GREM2: variants seen among roughly 807,000 people sequenced by gnomAD.
GREM2 encodes the protein gremlin 2, DAN family BMP antagonist, also known as gremlin-2.
In GREM2, 11 loss-of-function variants were observed where a neutral mutation model predicts 14.2. The ratio of observed to expected loss-of-function variants is 0.78; its 90% CI spans 0.49 to 1.28. The LOEUF (loss-of-function observed/expected upper bound fraction) is 1.28. Ranked by LOEUF, GREM2 falls within the 50% of genes most tolerant of loss-of-function variation. The pLI is 0.00. For synonymous variants in GREM2, 98 were observed against 97.6 expected, an observed-to-expected ratio of 1.00 and a Z score of -0.02; for missense variants, 210 against 218.5, an observed-to-expected ratio of 0.96 and a Z score of 0.24.
chr1:240,546,396 C>T (rs1678719148), intron 1 of GREM2, among the ~76,000 whole-genome samples: 1 of 151,748 alleles, frequency 6.6e-6, no homozygotes, highest in Non-Finnish European at 1.5e-5. Flanking sequence ...TTGCATTAAC[C>T]ACTTTGTGTA....
At chr1:240,520,435 C>T (rs959210324) in intron 1 of GREM2, among the ~76,000 whole-genome samples, 10 of 152,210 alleles carry the variant, frequency 6.6e-5, no homozygotes, top group African/African-American at 2.2e-4. Flanking sequence ...TGTGAGTGGA[C>T]TCTGCTCATA....
At chr1:240,600,105 G>A (rs948652122) in intron 1 of GREM2, among the ~76,000 whole-genome samples, 2 of 152,172 alleles carry the variant, frequency 1.3e-5, no homozygotes, top group Non-Finnish European at 2.9e-5. Context: ...TGGTGTAGTA[G>A]AAAGAAGGGT....
chr1:240,506,407 C>T (rs1027056640), intron 1 of GREM2, among the ~76,000 whole-genome samples: 2 of 152,106 alleles, frequency 1.3e-5, no homozygotes, highest in African/African-American at 4.8e-5. Flanking sequence ...AGTCTGGTTT[C>T]GTCGGTGTTA....
Position 240,591,040 on chromosome 1 carries a change from G to A in GREM2, c.-2+20844C>T, listed in dbSNP as rs111250819. 6.7e-3 allele frequency among the ~76,000 whole-genome samples: 1,011 copies of A among 151,080 alleles called. 10 individuals are homozygous for A. The highest frequency in any genetic ancestry group is 0.023 in the African/African-American group (959 of 41,148). ...CATGATCTGCCCTCCTTGGCCTCCC[G>A]AAGTGCTGGGATTACAGGCGTGAGC... On this transcript the variant is annotated intron_variant, in intron 1 of 1. Coordinates refer to ENST00000318160, the MANE Select transcript of GREM2 (RefSeq NM_022469.4).
At chr1:240,574,755 A>T (rs1679327501) in intron 1 of GREM2, among the ~76,000 whole-genome samples, 1 of 152,146 alleles carries the variant, frequency 6.6e-6, no homozygotes, top group Non-Finnish European at 1.5e-5. Flanking sequence ...ATATGGACAC[A>T]CACAGGAGTT....
At chr1:240,519,554 C>T (rs1323168367) in intron 1 of GREM2, among the ~76,000 whole-genome samples, 3 of 151,974 alleles carry the variant, frequency 2.0e-5, no homozygotes, top group Non-Finnish European at 2.9e-5. Context: ...ACGGTATTCA[C>T]GTAACATTTT....
intron 1 of GREM2, among the ~76,000 whole-genome samples, chr1:240,562,778 TGA>T (rs560169617): frequency 1.1e-3 from 163 of 151,800 alleles, no homozygotes; most frequent in Non-Finnish European, 1.9e-3. Flanking sequence ...TGTGTGTGTA[TGA>T]GTGTGTATGT....
At chr1:240,599,829 G>A (rs1270125683) in intron 1 of GREM2, among the ~76,000 whole-genome samples, 2 of 152,196 alleles carry the variant, frequency 1.3e-5, no homozygotes, top group Non-Finnish European at 2.9e-5. Context: ...GACTGTTTCA[G>A]TGGACCTCGG....
chr1:240,548,507 C>A (rs1363838086), intron 1 of GREM2, among the ~76,000 whole-genome samples: 1 of 152,106 alleles, frequency 6.6e-6, no homozygotes, highest in Non-Finnish European at 1.5e-5. Context: ...TGTTCAAAAT[C>A]TTTAGGTTTG....
chr1:240,567,760 A>C (rs1679196102), intron 1 of GREM2, among the ~76,000 whole-genome samples: 1 of 152,196 alleles, frequency 6.6e-6, no homozygotes, highest in Non-Finnish European at 1.5e-5. Context: ...GTAAATATAG[A>C]AGACTTTTTT....
At chr1:240,530,874 T>C (rs1678340550) in intron 1 of GREM2, 1 of 150,498 alleles carries the variant, frequency 6.6e-6, no homozygotes, top group Non-Finnish European at 1.5e-5. Context: ...ATCAAATGCT[T>C]GTGAAAGATA....
chr1:240,490,803 G>A lies in GREM2; in HGVS notation c.*2166C>T, dbSNP rs1200657413. The A allele has an allele frequency of 6.6e-6, 1 of 152,036 alleles. No individual in the cohort carries two copies. Among genetic ancestry groups the A allele is most frequent in the Non-Finnish European group, 1.5e-5 (1 of 68,028 alleles). 9.4% of individuals were successfully genotyped at this position (152,036 alleles called of 1,614,324 possible). ...GGTTCCATGTTAATAAAATGATAGG[G>A]GTTGGCTCTGCAGCTGGTCAGAGAC... On this transcript the variant is annotated 3_prime_UTR_variant, in exon 2 of 2. Transcript: ENST00000318160.
chr1:240,579,106 TC>T (rs1679432042), intron 1 of GREM2, among the ~76,000 whole-genome samples: 1 of 152,170 alleles, frequency 6.6e-6, no homozygotes, highest in East Asian at 1.9e-4. Flanking sequence ...GGAGATGAAT[TC>T]CCCAGGCCAC....
chr1:240,552,037 AT>A (rs55688036), intron 1 of GREM2, among the ~76,000 whole-genome samples: 16,204 of 152,126 alleles, frequency 0.11, 959 homozygotes, highest in Admixed American at 0.13. Context: ...TCTCTCATAA[AT>A]TTCTCTTACT....
At chr1:240,596,701 A>G (rs933457636) in intron 1 of GREM2, among the ~76,000 whole-genome samples, 4 of 152,082 alleles carry the variant, frequency 2.6e-5, no homozygotes, top group Admixed American at 2.6e-4. Flanking sequence ...TGTCAAAAAA[A>G]AAAAAACACA....
At chr1:240,601,921 A>C (rs1182831202) in intron 1 of GREM2, among the ~76,000 whole-genome samples, 4 of 151,994 alleles carry the variant, frequency 2.6e-5, no homozygotes, top group African/African-American at 9.7e-5. Context: ...TCAAAAAAAA[A>C]AAAAAAAAAA....
chr1:240,545,003 T>C (rs1467713743), intron 1 of GREM2, among the ~76,000 whole-genome samples: 2 of 152,254 alleles, frequency 1.3e-5, no homozygotes, highest in East Asian at 3.8e-4. Context: ...CCTAGTTTCC[T>C]GAGGCACAGC....
intron 1 of GREM2, among the ~76,000 whole-genome samples, chr1:240,594,311 T>C (rs1161533567): frequency 6.6e-6 from 1 of 152,156 alleles, no homozygotes; most frequent in African/African-American, 2.4e-5. Context: ...ATTAAGTTCC[T>C]CACTATGCAA....
intron 1 of GREM2, among the ~76,000 whole-genome samples, chr1:240,510,357 G>C (rs1441059911): frequency 1.8e-5 from 2 of 109,350 alleles, no homozygotes; most frequent in African/African-American, 3.7e-5. Flanking sequence ...GCGACAGAGC[G>C]AGACTCCGTC....
Sources: gnomAD v4.1 joint callset for allele counts (sites outside exome capture counted in the v4.1 genomes callset) on GRCh38, gnomAD v4.1.1 for gene constraint, MANE v1.5 for transcripts, NCBI Gene and HGNC (gene_info 2026-07-23, HGNC 2026-07-21) for gene names.